The following ST8SIA6 variants were observed in gnomAD, a reference collection of about 807,000 sequenced individuals.
ST8SIA6 encodes alpha-2,8-sialyltransferase 8F.
ST8SIA6 carries 39 observed loss-of-function variants against 33.6 expected under a neutral mutation model. The observed-to-expected ratio is 1.16, with a 90% CI of 0.90 to 1.52. The LOEUF (loss-of-function observed/expected upper bound fraction) is 1.52. Ranked by LOEUF, ST8SIA6 falls within the 40% of genes most tolerant of loss-of-function variation. The pLI is 0.00. For missense variants in ST8SIA6, 441 were observed against 443.8 expected, an observed-to-expected ratio of 0.99 and a Z score of 0.06; for synonymous variants, 172 against 167.2, an observed-to-expected ratio of 1.03 and a Z score of -0.22.
At chr10:17,336,966 A>AT (rs1383920073) in intron 4 of ST8SIA6, among the ~76,000 whole-genome samples, 3 of 152,120 alleles carry the variant, frequency 2.0e-5, no homozygotes, top group Non-Finnish European at 2.9e-5. Flanking sequence ...ATGCTACCAT[A>AT]TGACATGGTT....
At chr10:17,360,245 G>T (rs901635119) in intron 3 of ST8SIA6, among the ~76,000 whole-genome samples, 4 of 152,052 alleles carry the variant, frequency 2.6e-5, no homozygotes, top group Non-Finnish European at 5.9e-5. Context: ...GTTCTCATTT[G>T]AAATGCAAGT....
intron 2 of ST8SIA6, among the ~76,000 whole-genome samples, chr10:17,448,544 C>T (rs1254959042): frequency 1.3e-5 from 2 of 152,156 alleles, no homozygotes; most frequent in African/African-American, 4.8e-5. Flanking sequence ...CCCCTCATTT[C>T]TAATGATTGG....
chr10:17,343,723 T>C (rs965235190), intron 4 of ST8SIA6, among the ~76,000 whole-genome samples: 11 of 151,950 alleles, frequency 7.2e-5, no homozygotes, highest in African/African-American at 2.4e-4. Flanking sequence ...AATAGACAGA[T>C]AGAAATGCAA....
chr10:17,386,501 T>G (rs903021299), intron 3 of ST8SIA6, among the ~76,000 whole-genome samples: 1 of 152,162 alleles, frequency 6.6e-6, no homozygotes, highest in Admixed American at 6.5e-5. Flanking sequence ...ATCGCACCAC[T>G]GCACTCCAGC....
At chr10:17,322,981 C>T in intron 7 of ST8SIA6, 84 bp downstream of exon 7, 2 of 1,263,234 alleles carry the variant, frequency 1.6e-6, no homozygotes, top group Middle Eastern at 2.1e-4. Context: ...TCAGTCTCAG[C>T]AACAAGATTA....
At chr10:17,399,130 C>T (rs1059600) in intron 2 of ST8SIA6, 2 of 152,146 alleles carry the variant, frequency 1.3e-5, no homozygotes, top group Non-Finnish European at 2.9e-5. Flanking sequence ...AGTCACGGCG[C>T]CTACAAAGAT....
rs904673680 is a variant in ST8SIA6 at position 17,317,362 on chromosome 10, C to G, written c.*3516G>C. On this transcript the variant is annotated 3_prime_UTR_variant, in exon 8 of 8. Coordinates refer to ENST00000377602, the MANE Select transcript of ST8SIA6 (RefSeq NM_001004470.3). ...TCAGGAGGGTACTGGTGACACTGTT[C>G]CTCGCTATGGGATCAGCCTTCTGAA... Among the ~76,000 whole-genome samples the G allele has an allele frequency of 5.3e-5, 8 of 152,090 alleles. No individual in the cohort carries two copies. The highest frequency in any genetic ancestry group is 1.7e-4 in the African/African-American group (7 of 41,410).
At chr10:17,331,968 T>C (rs990525729) in intron 4 of ST8SIA6, among the ~76,000 whole-genome samples, 2 of 152,260 alleles carry the variant, frequency 1.3e-5, no homozygotes, top group African/African-American at 4.8e-5. Flanking sequence ...CAGGCACCAG[T>C]GTGAGATGTT....
chr10:17,439,299 G>A (rs1447940425), intron 2 of ST8SIA6, among the ~76,000 whole-genome samples: 1 of 148,226 alleles, frequency 6.7e-6, no homozygotes, highest in East Asian at 2.0e-4. Context: ...TTGGAGTTGG[G>A]GATGGAGCCT....
At chr10:17,444,062 A>C (rs545470792) in intron 2 of ST8SIA6, among the ~76,000 whole-genome samples, 1 of 152,250 alleles carries the variant, frequency 6.6e-6, no homozygotes, top group African/African-American at 2.4e-5. Context: ...TTAGCACCTA[A>C]TAGGCCAAAA....
intron 3 of ST8SIA6, among the ~76,000 whole-genome samples, chr10:17,380,147 G>T (rs1850078186): frequency 6.6e-6 from 1 of 152,136 alleles, no homozygotes. Context: ...CCATGTCGAT[G>T]GAAGACAGGT....
intron 4 of ST8SIA6, among the ~76,000 whole-genome samples, chr10:17,353,618 C>A (rs1232761176): frequency 6.6e-6 from 1 of 152,094 alleles, no homozygotes; most frequent in African/African-American, 2.4e-5. Context: ...TTTAATCAAA[C>A]CTGAGGGGAT....
intron 4 of ST8SIA6, among the ~76,000 whole-genome samples, chr10:17,356,478 G>A (rs1178680089): frequency 1.3e-5 from 2 of 151,444 alleles, no homozygotes; most frequent in Non-Finnish European, 2.9e-5. Flanking sequence ...CTGCCTCTCA[G>A]GTTCAAGTGA....
chr10:17,333,013 C>T (rs1848350713), intron 4 of ST8SIA6, among the ~76,000 whole-genome samples: 1 of 152,138 alleles, frequency 6.6e-6, no homozygotes, highest in South Asian at 2.1e-4. Context: ...TGCCTGTTCA[C>T]TCCGATGCTA....
At chr10:17,414,800 C>A (rs1331876303) in intron 2 of ST8SIA6, among the ~76,000 whole-genome samples, 2 of 152,282 alleles carry the variant, frequency 1.3e-5, no homozygotes, top group Admixed American at 1.3e-4. Flanking sequence ...AAGACCTTAT[C>A]TTCTAATATA....
chr10:17,338,811 T>A (rs1322265339), intron 4 of ST8SIA6, among the ~76,000 whole-genome samples: 1 of 152,228 alleles, frequency 6.6e-6, no homozygotes, highest in Non-Finnish European at 1.5e-5. Context: ...AGCAATTTCC[T>A]CCATGCAACC....
intron 2 of ST8SIA6, among the ~76,000 whole-genome samples, chr10:17,398,604 C>T (rs1850916446): frequency 6.6e-6 from 1 of 152,160 alleles, no homozygotes; most frequent in South Asian, 2.1e-4. Context: ...AATGACTATA[C>T]AGGGGCTAAA....
intron 2 of ST8SIA6, among the ~76,000 whole-genome samples, chr10:17,436,906 C>CATGA (rs989143697): frequency 6.6e-6 from 1 of 152,106 alleles, no homozygotes; most frequent in Non-Finnish European, 1.5e-5. Flanking sequence ...TACCTTCCAC[C>CATGA]ATGATTGTGA....
chr10:17,379,400 T>C (rs536123587), intron 3 of ST8SIA6, among the ~76,000 whole-genome samples: 1 of 152,148 alleles, frequency 6.6e-6, no homozygotes, highest in Non-Finnish European at 1.5e-5. Context: ...CAGTCAAGGA[T>C]GTAGGCCAGG....
Sources: allele counts gnomAD v4.1 joint callset (sites outside exome capture counted in the v4.1 genomes callset), GRCh38; gene constraint gnomAD v4.1.1; transcripts MANE v1.5; gene names NCBI Gene and HGNC (gene_info 2026-07-23, HGNC 2026-07-21).